Variants in ANKS1B observed in about 807,000 individuals in gnomAD.
ANKS1B encodes ankyrin repeat and sterile alpha motif domain-containing protein 1B.
Under a neutral mutation model 148.3 loss-of-function variants are expected in ANKS1B, and 36 were observed. The ratio of observed to expected loss-of-function variants is 0.24; its 90% CI spans 0.19 to 0.32. The LOEUF is 0.32. ANKS1B is among the 10% of genes least tolerant of loss of function. The pLI is 1.00. For synonymous variants in ANKS1B, 542 were observed against 560.8 expected (o/e 0.97, Z 0.47); for missense variants, 1,157 against 1,542.6 (o/e 0.75, Z 4.19).
intron 14 of ANKS1B, among the ~76,000 whole-genome samples, chr12:99,207,168 TAATC>T (rs1208560088): frequency 1.3e-5 from 2 of 152,204 alleles, no homozygotes; most frequent in Non-Finnish European, 2.9e-5. Context: ...CAGTTCAAAG[TAATC>T]AATATACCAA....
At chr12:99,098,463 G>A (rs1349838343) in intron 15 of ANKS1B, among the ~76,000 whole-genome samples, 1 of 152,016 alleles carries the variant, frequency 6.6e-6, no homozygotes, top group Non-Finnish European at 1.5e-5. Flanking sequence ...TTTAATAGCA[G>A]TGTGACTCAG....
chr12:98,902,207 C>A (rs2099773066), intron 17 of ANKS1B, among the ~76,000 whole-genome samples: 1 of 152,220 alleles, frequency 6.6e-6, no homozygotes, highest in Non-Finnish European at 1.5e-5. Flanking sequence ...CTGTTCAAGG[C>A]CCAAACCACA....
At chr12:99,230,026 A>G (rs111844033) in intron 14 of ANKS1B, among the ~76,000 whole-genome samples, 1 of 16,182 alleles carries the variant, frequency 6.2e-5, no homozygotes, top group African/African-American at 1.4e-4. Flanking sequence ...AAGTCCAAGG[A>G]AAAAAAAAGT....
At chr12:99,677,290 T>A (rs1042211961) in intron 8 of ANKS1B, among the ~76,000 whole-genome samples, 3 of 152,196 alleles carry the variant, frequency 2.0e-5, no homozygotes, top group Admixed American at 6.5e-5. Flanking sequence ...TGACATGACT[T>A]AGATCTTAAA....
chr12:98,998,154 A>G (rs2099930815), intron 17 of ANKS1B, among the ~76,000 whole-genome samples: 1 of 152,158 alleles, frequency 6.6e-6, no homozygotes, highest in Non-Finnish European at 1.5e-5. Flanking sequence ...GCACTGTGGG[A>G]ATTTACCCAG....
chr12:99,543,871 A>T (rs937374763), intron 9 of ANKS1B, among the ~76,000 whole-genome samples: 8 of 152,152 alleles, frequency 5.3e-5, no homozygotes, highest in Admixed American at 4.6e-4. Flanking sequence ...CACCGAAGCT[A>T]ATAAGACATG....
At chr12:99,265,622 G>A (rs1220731289) in intron 12 of ANKS1B, among the ~76,000 whole-genome samples, 4 of 152,120 alleles carry the variant, frequency 2.6e-5, no homozygotes, top group African/African-American at 9.7e-5. Context: ...CTATATTTGA[G>A]GTGAGCTGCT....
intron 10 of ANKS1B, among the ~76,000 whole-genome samples, chr12:99,461,046 A>ATG (rs2095955202): frequency 6.8e-6 from 1 of 148,040 alleles, no homozygotes; most frequent in East Asian, 1.9e-4. Context: ...GGATATATAC[A>ATG]TGTATATATA....
At chr12:98,786,842 C>G (rs560437208) in intron 22 of ANKS1B, among the ~76,000 whole-genome samples, 1 of 152,306 alleles carries the variant, frequency 6.6e-6, no homozygotes, top group African/African-American at 2.4e-5. Context: ...ACCAACCCTT[C>G]ATTCTTACAA....
intron 8 of ANKS1B, among the ~76,000 whole-genome samples, chr12:99,772,032 G>A (rs1236182026): frequency 6.6e-6 from 1 of 152,008 alleles, no homozygotes; most frequent in East Asian, 1.9e-4. Context: ...TTCTAAAAGT[G>A]ACTACAGATT....
intron 10 of ANKS1B, among the ~76,000 whole-genome samples, chr12:99,446,172 G>A (rs1023562806): frequency 6.6e-6 from 1 of 151,878 alleles, no homozygotes; most frequent in Non-Finnish European, 1.5e-5. Flanking sequence ...ACAGAAGATA[G>A]CTGTGAAAGG....
chr12:98,981,537 T>C (rs2099910726), intron 17 of ANKS1B, among the ~76,000 whole-genome samples: 1 of 152,096 alleles, frequency 6.6e-6, no homozygotes, highest in Non-Finnish European at 1.5e-5. Context: ...GGTTTCACCA[T>C]GTTGGCCAGG....
In ANKS1B at chr12:98,744,679, CTTTT is replaced by C; in HGVS notation, c.*1056_*1059del. The C allele has an allele frequency of 1.4e-6, 1 of 724,214 alleles. No individual in the cohort carries two copies. Among genetic ancestry groups the C allele is most frequent in the Non-Finnish European group, 1.7e-6 (1 of 599,068 alleles). The allele number at this position is 724,214 out of a possible 1,614,324, so 44.9% of individuals were successfully genotyped here. On this transcript the variant is annotated 3_prime_UTR_variant, in exon 27 of 27. Coordinates refer to ENST00000683438, the MANE Select transcript of ANKS1B (RefSeq NM_001352186.2). ...AAGTTTTATTACTTTGGAATTTCTT[CTTTT>C]TTTTTTTTGTATTTATTTTTTCTAG...
At chr12:98,972,519 C>T (rs1221221954) in intron 17 of ANKS1B, among the ~76,000 whole-genome samples, 2 of 152,090 alleles carry the variant, frequency 1.3e-5, no homozygotes, top group Non-Finnish European at 2.9e-5. Context: ...GAGAAGTCAC[C>T]AAGTTGAGAT....
chr12:99,199,847 T>C (rs896690192), intron 14 of ANKS1B, among the ~76,000 whole-genome samples: 2 of 152,208 alleles, frequency 1.3e-5, no homozygotes, highest in African/African-American at 2.4e-5. Flanking sequence ...TGTGTTATAT[T>C]TGCTCCTTTA....
chr12:99,138,814 A>G (rs1011250767), intron 15 of ANKS1B, among the ~76,000 whole-genome samples: 8 of 152,074 alleles, frequency 5.3e-5, no homozygotes, highest in Non-Finnish European at 1.0e-4. Context: ...GCTTACATAA[A>G]TACACTCAAG....
chr12:99,523,403 G>A (rs962576943), intron 9 of ANKS1B, among the ~76,000 whole-genome samples: 1 of 152,180 alleles, frequency 6.6e-6, no homozygotes, highest in Non-Finnish European at 1.5e-5. Context: ...TAATGCAGAT[G>A]GGGAGATGGT....
chr12:99,621,840 G>A (rs1021754370), intron 9 of ANKS1B, among the ~76,000 whole-genome samples: 5 of 118,916 alleles, frequency 4.2e-5, no homozygotes, highest in African/African-American at 1.7e-4. Context: ...GACAGCATTA[G>A]ACAGATCATT....
rs564781640 is a variant in ANKS1B at position 99,728,950 on chromosome 12, C to A, written c.1128+43972G>T. ...AGCTAAACAATGAGAACACATTTAG[C>A]GGACAACAGCATAGTGTAAATACAA... On this transcript the variant is annotated intron_variant, in intron 8 of 26. Coordinates refer to ENST00000683438, the MANE Select transcript of ANKS1B (RefSeq NM_001352186.2). Among the ~76,000 whole-genome samples, 33 of 152,108 alleles carry A rather than the reference C, an allele frequency of 2.2e-4. 1 individual carries two copies. Among genetic ancestry groups the A allele is most frequent in the African/African-American group, 7.5e-4 (31 of 41,528 alleles).
Sources: allele counts gnomAD v4.1 joint callset (sites outside exome capture counted in the v4.1 genomes callset), GRCh38; gene constraint gnomAD v4.1.1; transcripts MANE v1.5; gene names NCBI Gene and HGNC (gene_info 2026-07-23, HGNC 2026-07-21).